Variants in CLDN16 observed in about 807,000 individuals in gnomAD.
CLDN16 encodes claudin-16.
Under a neutral mutation model 24.6 loss-of-function variants are expected in CLDN16, and 13 were observed. That is an observed-to-expected ratio of 0.53 (90% CI 0.34 to 0.84). CLDN16 has a LOEUF of 0.84. CLDN16 is among the 40% of genes least tolerant of loss of function. The pLI is 0.01. For synonymous variants in CLDN16, 116 were observed against 106.7 expected, an observed-to-expected ratio of 1.09 and a Z score of -0.54; for missense variants, 298 against 292.7, an observed-to-expected ratio of 1.02 and a Z score of -0.13.
At chr3:190,381,448 C>A (rs1458479531) in intron 3 of CLDN16, among the ~76,000 whole-genome samples, 1 of 152,052 alleles carries the variant, frequency 6.6e-6, no homozygotes, top group African/African-American at 2.4e-5. Context: ...TTACCATCAC[C>A]TGCCACTCCA....
intron 1 of CLDN16, among the ~76,000 whole-genome samples, chr3:190,338,095 G>A (rs1717351098): frequency 6.6e-6 from 1 of 152,128 alleles, no homozygotes; most frequent in Non-Finnish European, 1.5e-5. Context: ...CATGAGTTCA[G>A]TAACCAAAAG....
At chr3:190,310,342 G>T in the CLDN16 span, 2 of 950,976 alleles carry the variant, frequency 2.1e-6, no homozygotes, top group Admixed American at 1.9e-5. Flanking sequence ...TATTTTGCAA[G>T]AATTAAATCT....
chr3:190,356,940 A>G (rs561210675), intron 1 of CLDN16, among the ~76,000 whole-genome samples: 7 of 152,064 alleles, frequency 4.6e-5, no homozygotes, highest in Admixed American at 1.3e-4. Flanking sequence ...TGGAGTTGGC[A>G]TATAATTCGC....
chr3:190,404,248 T>G (rs1487004134), intron 2 of CLDN16, among the ~76,000 whole-genome samples: 1 of 152,220 alleles, frequency 6.6e-6, no homozygotes, highest in African/African-American at 2.4e-5. Context: ...GATCTCCTTA[T>G]GGCTTCTTCT....
the CLDN16 span, among the ~76,000 whole-genome samples, chr3:190,294,708 C>T: frequency 6.6e-6 from 1 of 151,890 alleles, no homozygotes; most frequent in Non-Finnish European, 1.5e-5. Context: ...ATTTTTTACC[C>T]TAATCTTTTC....
the CLDN16 span, among the ~76,000 whole-genome samples, chr3:190,316,152 T>C: frequency 6.6e-6 from 1 of 152,138 alleles, no homozygotes; most frequent in Non-Finnish European, 1.5e-5. Context: ...ATTTGCATAA[T>C]ACACAAAAAG....
upstream of CLDN16, among the ~76,000 whole-genome samples, chr3:190,318,717 T>C (rs879250830): frequency 6.6e-6 from 1 of 152,210 alleles, no homozygotes; most frequent in Non-Finnish European, 1.5e-5. Flanking sequence ...TGAACACCAA[T>C]GGCCCTTCGA....
upstream of CLDN16, among the ~76,000 whole-genome samples, chr3:190,386,071 G>A (rs1718490565): frequency 6.6e-6 from 1 of 152,122 alleles, no homozygotes; most frequent in South Asian, 2.1e-4. Context: ...AAGTCCCTGT[G>A]TGAAATGTCA....
intron 1 of CLDN16, among the ~76,000 whole-genome samples, chr3:190,333,869 T>C (rs1028982042): frequency 6.6e-6 from 1 of 152,040 alleles, no homozygotes; most frequent in Non-Finnish European, 1.5e-5. Context: ...CATACTTCAA[T>C]GGGGTGAGGG....
At chr3:190,332,784 T>G (rs1047325042) in intron 1 of CLDN16, among the ~76,000 whole-genome samples, 3 of 151,872 alleles carry the variant, frequency 2.0e-5, no homozygotes, top group African/African-American at 7.3e-5. Flanking sequence ...ATTTTTTTTT[T>G]TTTGTTACAA....
At chr3:190,332,971 C>T (rs1405271712) in intron 1 of CLDN16, among the ~76,000 whole-genome samples, 1 of 152,096 alleles carries the variant, frequency 6.6e-6, no homozygotes, top group Non-Finnish European at 1.5e-5. Context: ...TAGTCGTACA[C>T]ATGATTAAGC....
At chr3:190,319,254 A>T (rs542177985), upstream of CLDN16, among the ~76,000 whole-genome samples, 182 of 152,344 alleles carry the variant, frequency 1.2e-3, no homozygotes, top group East Asian at 3.9e-3. Flanking sequence ...AAAGTCTACT[A>T]CAACTGTATC....
intron 1 of CLDN16, among the ~76,000 whole-genome samples, chr3:190,331,662 T>A (rs1254986939): frequency 6.6e-6 from 1 of 152,224 alleles, no homozygotes; most frequent in Non-Finnish European, 1.5e-5. Context: ...CTAAAATGTA[T>A]TTGACTACAC....
In CLDN16 at chr3:190,402,413, AC is replaced by A; in HGVS notation, c.192del (p.Tyr64Ter). 6.2e-7 allele frequency: 1 copy of A among 1,613,770 alleles called. No individual in the cohort carries two copies. The highest frequency in any genetic ancestry group is 2.2e-5 in the East Asian group (1 of 44,816). On this transcript the variant is annotated frameshift_variant, in exon 2 of 5. Transcript: ENST00000264734. LOFTEE classifies it high-confidence loss of function. ...AFDGIRTCDE[Y>X]DSILAEHPLK... ...GATGGGATTCGCACCTGTGATGAGTACGATTCCATACTTGCGGAGCATCCCT... is the reference window on the plus strand; with the variant it reads ...GATGGGATTCGCACCTGTGATGAGTAGATTCCATACTTGCGGAGCATCCCT...
intron 3 of CLDN16, among the ~76,000 whole-genome samples, chr3:190,374,778 C>T (rs572388933): frequency 2.2e-3 from 327 of 151,996 alleles, no homozygotes; most frequent in African/African-American, 7.7e-3. Flanking sequence ...TTTAAAAAGA[C>T]CAAGGCTACT....
intron 3 of CLDN16, among the ~76,000 whole-genome samples, chr3:190,382,559 C>T (rs1180401319): frequency 6.6e-6 from 1 of 152,204 alleles, no homozygotes; most frequent in East Asian, 1.9e-4. Context: ...GGTGATCCTA[C>T]CACTATTTGA....
the CLDN16 span, among the ~76,000 whole-genome samples, chr3:190,303,370 T>A: frequency 6.6e-6 from 1 of 152,264 alleles, no homozygotes; most frequent in East Asian, 1.9e-4. Context: ...ACAAAAATGA[T>A]TTCCAAAAAG....
the CLDN16 span, among the ~76,000 whole-genome samples, chr3:190,311,332 A>T: frequency 6.6e-6 from 1 of 152,206 alleles, no homozygotes; most frequent in Non-Finnish European, 1.5e-5. Context: ...GCAGCCTTTG[A>T]TATAAGAGTA....
At chr3:190,303,008 G>A in the CLDN16 span, among the ~76,000 whole-genome samples, 7 of 151,668 alleles carry the variant, frequency 4.6e-5, no homozygotes, top group Admixed American at 2.0e-4. Flanking sequence ...TTCTACCTTT[G>A]GGTAATATGA....
Sources: gnomAD v4.1 joint callset for allele counts (sites outside exome capture counted in the v4.1 genomes callset) on GRCh38, gnomAD v4.1.1 for gene constraint, MANE v1.5 for transcripts, NCBI Gene and HGNC (gene_info 2026-07-23, HGNC 2026-07-21) for gene names.